The following NCK1 variants were observed in gnomAD, a reference collection of about 807,000 sequenced individuals.
The protein encoded by NCK1 is SH2/SH3 adapter protein NCK1.
A neutral mutation model predicts 36.6 loss-of-function variants in NCK1; 19 were observed. That is an observed-to-expected ratio of 0.52 (90% confidence interval 0.36 to 0.76). NCK1 has a LOEUF of 0.76. Ranked by LOEUF, NCK1 falls within the 30% of genes least tolerant of loss-of-function variation. NCK1 has a pLI of 0.00. For synonymous variants in NCK1, 165 were observed against 156.0 expected (o/e 1.06, Z -0.43); for missense variants, 358 against 445.6 (o/e 0.80, Z 1.77).
At position 136,946,198 on chromosome 3, in the gene NCK1, C is replaced by G; in HGVS notation, c.842C>G (p.Pro281Arg). The change falls in exon 3 of 4, where the codon CCT (proline) becomes CGT (arginine). Residue 281 changes from proline (P) to arginine (R), a missense_variant. Pro to Arg is a moderately radical substitution (Grantham distance 103). Transcript: ENST00000481752. ...CTCACTGGAAAGTTTGCTGGCAATCCTTGGTATTATGGCAAAGTCACCAGG... is the reference window on the plus strand; with the variant it reads ...CTCACTGGAAAGTTTGCTGGCAATCGTTGGTATTATGGCAAAGTCACCAGG... ...PSLTGKFAGN[P>R]WYYGKVTRHQ... 1.2e-6 allele frequency: 2 copies of G among 1,613,400 alleles called. No homozygotes were observed. Among genetic ancestry groups the G allele is most frequent in the Non-Finnish European group, 8.5e-7 (1 of 1,179,874 alleles).
intron 1 of NCK1, among the ~76,000 whole-genome samples, chr3:136,867,756 C>T (rs1387289750): frequency 1.3e-5 from 2 of 152,170 alleles, no homozygotes; most frequent in East Asian, 1.9e-4. Flanking sequence ...AAAGACTCAA[C>T]CCTTGATCTT....
rs78568074 is a variant in NCK1 at position 136,881,467 on chromosome 3, C to T, written c.-19+19114C>T. 4.1e-3 allele frequency among the ~76,000 whole-genome samples: 624 copies of T among 152,298 alleles called. 12 individuals carry two copies. The South Asian group carries it at 0.047, about 11-fold the overall frequency. Reference sequence around the variant, plus strand: ...ACTCCTGACCTCATGATCTGCCCGCCTCGGCCTCCCAAGTGCTGGGATTGG... The same window carrying T: ...ACTCCTGACCTCATGATCTGCCCGCTTCGGCCTCCCAAGTGCTGGGATTGG... On this transcript the variant is annotated intron_variant, in intron 1 of 3. Coordinates refer to ENST00000481752, the MANE Select transcript of NCK1 (RefSeq NM_001291999.2).
intron 1 of NCK1, among the ~76,000 whole-genome samples, chr3:136,888,064 C>T (rs1379893009): frequency 6.6e-6 from 1 of 152,002 alleles, no homozygotes; most frequent in African/African-American, 2.4e-5. Flanking sequence ...CCTGCCTCAG[C>T]CTCCCAAGTT....
At chr3:136,912,826 A>AT (rs1032481378) in intron 1 of NCK1, among the ~76,000 whole-genome samples, 1 of 149,142 alleles carries the variant, frequency 6.7e-6, no homozygotes, top group Non-Finnish European at 1.5e-5. Context: ...TAATTTTTAA[A>AT]TTTTTTTTGT....
chr3:136,914,193 G>A (rs754395252), intron 1 of NCK1, among the ~76,000 whole-genome samples: 4 of 152,178 alleles, frequency 2.6e-5, no homozygotes, highest in African/African-American at 7.2e-5. Context: ...ATCAGAAAGC[G>A]CAATTAGCTG....
chr3:136,880,202 G>A (rs540714397), intron 1 of NCK1, among the ~76,000 whole-genome samples: 15 of 151,848 alleles, frequency 9.9e-5, no homozygotes, highest in Non-Finnish European at 1.8e-4. Flanking sequence ...GGAGAATGGC[G>A]TGAACCCGGG....
chr3:136,943,130 G>C (rs1313579636), intron 2 of NCK1, among the ~76,000 whole-genome samples: 1 of 152,022 alleles, frequency 6.6e-6, no homozygotes, highest in Non-Finnish European at 1.5e-5. Flanking sequence ...CCTTGCCCTA[G>C]ATTTTATAAG....
intron 1 of NCK1, among the ~76,000 whole-genome samples, chr3:136,872,338 A>T (rs1434076421): frequency 6.6e-6 from 1 of 152,192 alleles, no homozygotes; most frequent in African/African-American, 2.4e-5. Flanking sequence ...CCCCTGCCCT[A>T]GAGATCTGTG....
At chr3:136,903,753 A>G (rs1939608466) in intron 1 of NCK1, among the ~76,000 whole-genome samples, 1 of 133,424 alleles carries the variant, frequency 7.5e-6, no homozygotes, top group Non-Finnish European at 1.6e-5. Flanking sequence ...TTTAAGTGGA[A>G]AGTTTGATCA....
intron 1 of NCK1, among the ~76,000 whole-genome samples, chr3:136,894,425 ACTT>A (rs1481016971): frequency 6.6e-6 from 1 of 152,174 alleles, no homozygotes; most frequent in Non-Finnish European, 1.5e-5. Flanking sequence ...CAGCAGAATG[ACTT>A]CTTAATCGAG....
At chr3:136,913,887 C>G (rs1462521698) in intron 1 of NCK1, among the ~76,000 whole-genome samples, 1 of 152,316 alleles carries the variant, frequency 6.6e-6, no homozygotes, top group Non-Finnish European at 1.5e-5. Context: ...CCAGGATGGT[C>G]TCGATCTCCT....
chr3:136,907,291 A>G (rs190960054), intron 1 of NCK1, among the ~76,000 whole-genome samples: 18 of 152,188 alleles, frequency 1.2e-4, no homozygotes, highest in South Asian at 2.1e-4. Context: ...GAGAATGTCA[A>G]TGGGGTCTCC....
chr3:136,940,396 A>G (rs1940640779), intron 2 of NCK1, among the ~76,000 whole-genome samples: 1 of 151,814 alleles, frequency 6.6e-6, no homozygotes, highest in Non-Finnish European at 1.5e-5. Context: ...ATATTGAACT[A>G]TTTTTCTCCC....
intron 1 of NCK1, among the ~76,000 whole-genome samples, chr3:136,871,865 TCTC>T (rs1938630469): frequency 6.6e-6 from 1 of 152,174 alleles, no homozygotes; most frequent in Admixed American, 6.5e-5. Flanking sequence ...CAAACTCTCT[TCTC>T]TTATCTGCCG....
intron 1 of NCK1, among the ~76,000 whole-genome samples, chr3:136,874,778 G>A (rs957075654): frequency 7.4e-5 from 11 of 147,842 alleles, no homozygotes; most frequent in Non-Finnish European, 1.6e-4. Flanking sequence ...ATAGATTCCT[G>A]TGGAAGACTG....
At position 136,948,252 on chromosome 3, in the gene NCK1, C is replaced by A; in HGVS notation, c.940-7C>A. ...TTTACTATATGTATCTTTTTTTTCTCTTTTAGCCAAATGATTTCTCAGTAT... is the reference window on the plus strand; with the variant it reads ...TTTACTATATGTATCTTTTTTTTCTATTTTAGCCAAATGATTTCTCAGTAT... On this transcript the variant is annotated splice_region_variant and splice_polypyrimidine_tract_variant and intron_variant, in intron 3 of 3. Transcript: ENST00000481752. The A allele has an allele frequency of 6.4e-7, 1 of 1,570,926 alleles. No individual in the cohort carries two copies. The highest frequency in any genetic ancestry group is 2.3e-5 in the East Asian group (1 of 44,282).
In NCK1 at chr3:136,894,816, T is replaced by A. The variant is rs189220310; in HGVS notation, c.-19+32463T>A. On this transcript the variant is annotated intron_variant, in intron 1 of 3. Coordinates refer to ENST00000481752, the MANE Select transcript of NCK1 (RefSeq NM_001291999.2). The stretch of plus-strand genomic sequence containing the variant: ...TGATCCTAAATTTTGCTAGATTTTT[T>A]AAATCTTATTAGTACTTTTAATTAT... Among the ~76,000 whole-genome samples, 206 of 152,364 alleles carry A rather than the reference T, an allele frequency of 1.4e-3. No individual in the cohort carries two copies. In the Middle Eastern group the frequency reaches 0.02, roughly 15 times the overall value.
intron 3 of NCK1, among the ~76,000 whole-genome samples, chr3:136,947,554 T>G (rs936695313): frequency 6.6e-6 from 1 of 152,134 alleles, no homozygotes; most frequent in Admixed American, 6.6e-5. Context: ...AGGATATTTA[T>G]TATAAAAATT....
At position 136,901,030 on chromosome 3, in the gene NCK1, A is replaced by T. The variant is rs1017868239; in HGVS notation, c.-18-26954A>T. ...GGGTTTCAACTTTTCCCCATTCAGT[A>T]TGATGTTAGCTGTTGTCATATATGA... On this transcript the variant is annotated intron_variant, in intron 1 of 3. Transcript: ENST00000481752. Among the ~76,000 whole-genome samples, 41 of 152,278 alleles carry T rather than the reference A, an allele frequency of 2.7e-4. 1 individual carries two copies. The highest frequency in any genetic ancestry group is 2.7e-3 in the Admixed American group (41 of 15,302).
Sources: allele counts gnomAD v4.1 joint callset (sites outside exome capture counted in the v4.1 genomes callset), GRCh38; gene constraint gnomAD v4.1.1; transcripts MANE v1.5; gene names NCBI Gene and HGNC (gene_info 2026-07-23, HGNC 2026-07-21).